MASP1: variants seen among roughly 807,000 people sequenced by gnomAD.
MASP1 encodes the protein MBL associated serine protease 1.
A neutral mutation model predicts 77.1 loss-of-function variants in MASP1; 59 were observed. That is an observed-to-expected ratio of 0.77 (90% CI 0.62 to 0.95). The LOEUF (loss-of-function observed/expected upper bound fraction) is 0.95. MASP1 is among the 40% of genes least tolerant of loss of function. The pLI, the probability that MASP1 is intolerant of heterozygous loss-of-function variation, is 0.00. For missense variants in MASP1, 885 were observed against 912.9 expected, an observed-to-expected ratio of 0.97 and a Z score of 0.39; for synonymous variants, 362 against 354.5, an observed-to-expected ratio of 1.02 and a Z score of -0.24.
At chr3:187,249,543 G>A (rs1027455707) in intron 8 of MASP1, among the ~76,000 whole-genome samples, 4 of 152,206 alleles carry the variant, frequency 2.6e-5, no homozygotes, top group African/African-American at 9.7e-5. Flanking sequence ...GCAGGGGGTG[G>A]TGGTGAGGTG....
chr3:187,253,856 G>A (rs1402605455), intron 5 of MASP1, among the ~76,000 whole-genome samples: 5 of 152,096 alleles, frequency 3.3e-5, no homozygotes. Flanking sequence ...CGGGGCAAGG[G>A]GAGGGAGTGC....
At chr3:187,220,247 A>T (rs1292589405) in exon 16 of MASP1, 1 of 1,614,130 alleles carries the variant, frequency 6.2e-7, no homozygotes, top group East Asian at 2.2e-5. Flanking sequence ...TCACCCGCAC[A>T]GGCGTCCTTT....
At position 187,243,849 on chromosome 3, in the gene MASP1, G is replaced by A. The variant is rs973448741; in HGVS notation, c.1091-228C>T. On this transcript the variant is annotated intron_variant, in intron 8 of 10. Transcript: ENST00000296280. ...TCCATTCATTATGGTACTACTGTGT[G>A]GTCAACTCACCTGCCCAGTGTCAAT... 1.7e-4 allele frequency: 97 copies of A among 585,722 alleles called. 1 individual carries two copies. The highest frequency in any genetic ancestry group is 1.6e-3 in the African/African-American group (86 of 54,158). The allele number at this position is 585,722 out of a possible 1,614,324, so 36.3% of individuals were successfully genotyped here.
At chr3:187,252,715 A>G (rs1194509952) in intron 6 of MASP1, among the ~76,000 whole-genome samples, 3 of 152,140 alleles carry the variant, frequency 2.0e-5, no homozygotes, top group Non-Finnish European at 4.4e-5. Context: ...GGATGGGGGC[A>G]TGAGACCCAT....
At chr3:187,283,400 G>A (rs186297952) in intron 2 of MASP1, among the ~76,000 whole-genome samples, 4 of 152,262 alleles carry the variant, frequency 2.6e-5, no homozygotes, top group African/African-American at 9.6e-5. Context: ...CACTTATTTG[G>A]AGCAAAGAAA....
chr3:187,226,490 C>A, exon 12 of MASP1: 1 of 1,612,382 alleles, frequency 6.2e-7, no homozygotes. Flanking sequence ...CTGGTGGAGG[C>A]AGTGTGCGGC....
chr3:187,256,361 T>G (rs1388561215), intron 5 of MASP1, among the ~76,000 whole-genome samples: 4 of 152,222 alleles, frequency 2.6e-5, no homozygotes, highest in Non-Finnish European at 5.9e-5. Context: ...CAGGGCCCTG[T>G]GTGACGGCAT....
intron 8 of MASP1, 152 bp downstream of exon 8, chr3:187,250,099 T>G (rs1714431985): frequency 2.7e-6 from 2 of 735,248 alleles, no homozygotes; most frequent in Admixed American, 1.9e-5. Flanking sequence ...ACTGATACTC[T>G]TTTTTTTCCC....
intron 11 of MASP1, among the ~76,000 whole-genome samples, chr3:187,227,167 A>G (rs1398622656): frequency 1.3e-5 from 2 of 152,196 alleles, no homozygotes; most frequent in Non-Finnish European, 2.9e-5. Flanking sequence ...AATGTTTTAA[A>G]CATTTCCTTA....
Position 187,250,237 on chromosome 3 carries a change from T to C in MASP1, c.1090+14A>G. The C allele has an allele frequency of 6.2e-7, 1 of 1,608,678 alleles. No homozygotes were observed. Among genetic ancestry groups the C allele is most frequent in the Non-Finnish European group, 8.5e-7 (1 of 1,175,044 alleles). On this transcript the variant is annotated intron_variant, in intron 8 of 10. Transcript: ENST00000296280. ...AGCTCAGTATCTTTATAACAACCCATTAGGCTTTCTTACTTTTACAGGTGG... is the reference window on the plus strand; with the variant it reads ...AGCTCAGTATCTTTATAACAACCCACTAGGCTTTCTTACTTTTACAGGTGG...
rs1321985460 is a variant in MASP1 at position 187,235,640 on chromosome 3, G to A, written c.*44C>T. The A allele has an allele frequency of 1.9e-6, 3 of 1,611,384 alleles. No homozygotes were observed. Among genetic ancestry groups the A allele is most frequent in the Admixed American group, 1.7e-5 (1 of 60,026 alleles). Reference sequence around the variant, plus strand: ...TGGAGTGTGCTGTCGGAAGTGCGGTGTAGCTTCGCTCAGGGGAGGCAGGCC... The same window carrying A: ...TGGAGTGTGCTGTCGGAAGTGCGGTATAGCTTCGCTCAGGGGAGGCAGGCC... On this transcript the variant is annotated 3_prime_UTR_variant, in exon 11 of 11. Coordinates refer to ENST00000296280, the MANE Select transcript of MASP1 (RefSeq NM_139125.4).
At chr3:187,274,485 G>A (rs1283470274) in intron 2 of MASP1, among the ~76,000 whole-genome samples, 1 of 152,140 alleles carries the variant, frequency 6.6e-6, no homozygotes, top group African/African-American at 2.4e-5. Flanking sequence ...TAAGCCACCT[G>A]CCAGAGCAAA....
In MASP1 at chr3:187,234,323, A is replaced by G. The variant is rs1455076669; in HGVS notation, c.*1361T>C. 2 of 1,287,038 alleles carry G rather than the reference A, an allele frequency of 1.6e-6. No homozygotes were observed. Among genetic ancestry groups the G allele is most frequent in the Admixed American group, 2.3e-5 (1 of 43,534 alleles). 79.7% of individuals were successfully genotyped at this position (1,287,038 alleles called of 1,614,324 possible). A position where few individuals can be genotyped will look rare whatever the true frequency, so the allele number is the denominator to read the frequency against. On this transcript the variant is annotated 3_prime_UTR_variant, in exon 11 of 11. Coordinates refer to ENST00000296280, the MANE Select transcript of MASP1 (RefSeq NM_139125.4). ...TTGCTCTGATGGAGATTTTCAGGAG[A>G]GAGAGCTCCAGGGAGAAGGAGAACA...
At chr3:187,240,760 T>G (rs981230357) in intron 10 of MASP1, among the ~76,000 whole-genome samples, 1 of 152,132 alleles carries the variant, frequency 6.6e-6, no homozygotes, top group Non-Finnish European at 1.5e-5. Context: ...GCCTCCTGAG[T>G]AGCTGGGATT....
At position 187,235,809 on chromosome 3, in the gene MASP1, C is replaced by T. The variant is rs746780150; in HGVS notation, c.2062G>A (p.Gly688Arg). Reference sequence around the variant, plus strand: ...TGCTTGCTGCCGCATTCTTCAGGTCCCCCCCAGGACACCAGGCCTTGCACC... The same window carrying T: ...TGCTTGCTGCCGCATTCTTCAGGTCTCCCCCAGGACACCAGGCCTTGCACC... The part of the protein sequence containing the change: ...WVVQGLVSWG[G>R]PEECGSKQVY... The change falls in exon 11 of 11, where the codon GGA becomes AGA. Residue 688 changes from glycine (G) to arginine (R), a missense_variant. Physicochemically the swap from Gly to Arg is moderately radical, Grantham distance 125. Transcript: ENST00000296280. 2.5e-6 allele frequency: 4 copies of T among 1,614,050 alleles called. No homozygotes were observed. The highest frequency in any genetic ancestry group is 1.1e-5 in the South Asian group (1 of 91,088).
At chr3:187,290,941 T>A (rs1388347515) in intron 1 of MASP1, among the ~76,000 whole-genome samples, 2 of 152,118 alleles carry the variant, frequency 1.3e-5, no homozygotes, top group East Asian at 3.8e-4. Flanking sequence ...TTAAAACCAA[T>A]TAGAATTTGA....
At chr3:187,280,171 C>T (rs916346069) in intron 2 of MASP1, among the ~76,000 whole-genome samples, 2 of 152,072 alleles carry the variant, frequency 1.3e-5, no homozygotes, top group African/African-American at 4.8e-5. Context: ...ATCTGGTAGA[C>T]ATATAGAAGG....
chr3:187,249,182 C>G lies in MASP1; in HGVS notation c.1090+1069G>C, dbSNP rs536001570. On this transcript the variant is annotated intron_variant, in intron 8 of 10. Coordinates refer to ENST00000296280, the MANE Select transcript of MASP1 (RefSeq NM_139125.4). ...CAGCAATTCTCCCGCCTCAGCCTCCCGAGTAGCTGGGATTACAGGCGTGCG... is the reference window on the plus strand; with the variant it reads ...CAGCAATTCTCCCGCCTCAGCCTCCGGAGTAGCTGGGATTACAGGCGTGCG... Among the ~76,000 whole-genome samples the G allele has an allele frequency of 5.3e-5, 8 of 152,324 alleles. No homozygotes were observed. In the South Asian group the frequency reaches 1.5e-3, roughly 28 times the overall value.
chr3:187,243,768 G>C (rs1713853337), intron 8 of MASP1, 147 bp from the exon 9 acceptor site: 1 of 958,278 alleles, frequency 1.0e-6, no homozygotes, highest in Non-Finnish European at 1.7e-6. Flanking sequence ...GGGCACCCCT[G>C]GGGTGTGCAG....
Sources: allele counts gnomAD v4.1 joint callset (sites outside exome capture counted in the v4.1 genomes callset), GRCh38; gene constraint gnomAD v4.1.1; transcripts MANE v1.5; gene names NCBI Gene and HGNC (gene_info 2026-07-23, HGNC 2026-07-21).